The following MEGF11 variants were observed in gnomAD, a reference collection of about 807,000 sequenced individuals.
MEGF11 encodes multiple EGF like domains 11, also known as multiple epidermal growth factor-like domains protein 11.
MEGF11 carries 126 observed loss-of-function variants against 146.6 expected under a neutral mutation model. That is an observed-to-expected ratio of 0.86 (90% CI 0.74 to 1.00). The LOEUF is 1.00. Among genes scored for constraint, MEGF11 ranks in the 50% least tolerant of loss-of-function variants. The pLI is 0.00. For synonymous variants in MEGF11, 532 were observed against 583.4 expected (o/e 0.91, Z 1.27); for missense variants, 1,509 against 1,521.2 (o/e 0.99, Z 0.13).
chr15:66,105,395 AG>A (rs1336438568), intron 4 of MEGF11, among the ~76,000 whole-genome samples: 4 of 152,176 alleles, frequency 2.6e-5, no homozygotes, highest in Non-Finnish European at 5.9e-5. Flanking sequence ...ATCCTCTAGT[AG>A]TGCTTTATAT....
chr15:66,245,761 C>A (rs1408018296), intron 1 of MEGF11, among the ~76,000 whole-genome samples: 1 of 152,190 alleles, frequency 6.6e-6, no homozygotes, highest in Admixed American at 6.5e-5. Context: ...GACTCTACCC[C>A]TCAGTAGAAT....
At chr15:66,026,228 T>C (rs1255820771) in intron 5 of MEGF11, among the ~76,000 whole-genome samples, 1 of 152,200 alleles carries the variant, frequency 6.6e-6, no homozygotes, top group Non-Finnish European at 1.5e-5. Flanking sequence ...TGGGAGGTCT[T>C]GTTAAAATGC....
intron 10 of MEGF11, among the ~76,000 whole-genome samples, chr15:65,948,501 G>A (rs1247035696): frequency 1.3e-5 from 2 of 152,208 alleles, no homozygotes; most frequent in Admixed American, 6.5e-5. Flanking sequence ...CTAAGAGGCT[G>A]TGTTTCCTAA....
At chr15:65,940,261 C>T (rs1421181933) in intron 10 of MEGF11, among the ~76,000 whole-genome samples, 4 of 152,212 alleles carry the variant, frequency 2.6e-5, no homozygotes, top group African/African-American at 4.8e-5. Context: ...TGTCCAATGC[C>T]GCATCCATGC....
chr15:66,177,620 A>G (rs989481347), intron 1 of MEGF11, among the ~76,000 whole-genome samples: 1 of 151,700 alleles, frequency 6.6e-6, no homozygotes, highest in African/African-American at 2.4e-5. Flanking sequence ...CGTGAGCTCC[A>G]AAAAGCAACT....
chr15:66,014,798 T>G lies in MEGF11; in HGVS notation c.395-32310A>C, dbSNP rs117926164. On this transcript the variant is annotated intron_variant, in intron 5 of 25. Transcript: ENST00000395614. ...TTACCAGCACTGCACCTGTAGCAAC[T>G]TGTAGCCAGTGACAAGGGATGAATT... Among the ~76,000 whole-genome samples, 621 of 152,252 alleles carry G rather than the reference T, an allele frequency of 4.1e-3. 3 individuals carry two copies. The highest frequency in any genetic ancestry group is 8.6e-3 in the Admixed American group (132 of 15,280).
intron 1 of MEGF11, among the ~76,000 whole-genome samples, chr15:66,224,648 TATATTTATATATAAAG>T (rs1259690241): frequency 1.5e-3 from 212 of 145,288 alleles, no homozygotes; most frequent in African/African-American, 5.1e-3. Context: ...TATTATATTA[TATATTTATATATAAAG>T]TATATATTTA....
chr15:66,042,784 C>T (rs529642182), intron 5 of MEGF11, among the ~76,000 whole-genome samples: 1 of 152,298 alleles, frequency 6.6e-6, no homozygotes, highest in African/African-American at 2.4e-5. Context: ...ATGGGATCCC[C>T]CATTTGCATG....
intron 20 of MEGF11, among the ~76,000 whole-genome samples, chr15:65,913,144 C>T (rs1169478875): frequency 6.6e-6 from 1 of 152,296 alleles, no homozygotes; most frequent in East Asian, 1.9e-4. Context: ...CACTCAGACT[C>T]CCAAATAAAA....
chr15:66,054,126 T>C lies in MEGF11; in HGVS notation c.394+40276A>G, dbSNP rs186765262. Among the ~76,000 whole-genome samples the C allele has an allele frequency of 2.0e-3, 301 of 152,258 alleles. 3 individuals carry two copies. Among genetic ancestry groups the C allele is most frequent in the South Asian group, 8.3e-4 (4 of 4,830 alleles). On this transcript the variant is annotated intron_variant, in intron 5 of 25. Transcript: ENST00000395614. The stretch of plus-strand genomic sequence containing the variant: ...CTCTTGGGTCCCCAGTTCCCAGCTC[T>C]GCTCAGTTCCCTGAAGCCTTCCTGG...
At chr15:65,960,085 C>T (rs182078160) in intron 9 of MEGF11, among the ~76,000 whole-genome samples, 89 of 151,298 alleles carry the variant, frequency 5.9e-4, no homozygotes, top group Middle Eastern at 3.4e-3. Context: ...TCAATCAATG[C>T]TGCATCTGTT....
rs757622345 is a variant in MEGF11, at chr15:65,965,099, G to T, written c.921C>A (p.Phe307Leu). 1.3e-6 allele frequency: 2 copies of T among 1,594,370 alleles called. No individual in the cohort carries two copies. The highest frequency in any genetic ancestry group is 4.5e-5 in the East Asian group (2 of 44,148). ...GTGAGCACTGGAAGCCGAAGGACCC[G>T]AAGGGGCACTCCTCTTGGCACCTGT... ...MGDRCQEECP[F>L]GSFGFQCSQH... is the part of the protein sequence containing the mutation. Residue 307 changes from phenylalanine to leucine, a missense_variant, in exon 9 of 26, where the codon TTC (phenylalanine) becomes TTA (leucine). Transcript: ENST00000395614.
chr15:66,186,131 C>A (rs2090692960), intron 1 of MEGF11, among the ~76,000 whole-genome samples: 1 of 152,124 alleles, frequency 6.6e-6, no homozygotes, highest in South Asian at 2.1e-4. Flanking sequence ...CCCAGGTTGA[C>A]CACTCCCCAT....
chr15:66,118,953 G>T, intron 4 of MEGF11, 133 bp downstream of exon 4: 1 of 627,040 alleles, frequency 1.6e-6, no homozygotes, highest in South Asian at 1.9e-5. Flanking sequence ...AGCAGGCAGG[G>T]ACTTCTGGAG....
intron 25 of MEGF11, 65 bp from the exon 26 acceptor site, chr15:65,898,159 A>G (rs2078398010): frequency 6.5e-7 from 1 of 1,531,884 alleles, no homozygotes; most frequent in South Asian, 1.2e-5. Context: ...GTTGGAGAGG[A>G]AGAGAGTTCT....
chr15:65,945,023 C>T (rs192570194), intron 10 of MEGF11, among the ~76,000 whole-genome samples: 6 of 152,080 alleles, frequency 3.9e-5, no homozygotes, highest in East Asian at 1.9e-4. Flanking sequence ...CTCAGCCTCC[C>T]GAGTAGCTGG....
At chr15:66,078,675 CT>C (rs1332604932) in intron 5 of MEGF11, among the ~76,000 whole-genome samples, 1 of 152,180 alleles carries the variant, frequency 6.6e-6, no homozygotes, top group Non-Finnish European at 1.5e-5. Flanking sequence ...CAGGCTGCCC[CT>C]GGAAGTGCAG....
At chr15:66,218,734 T>C (rs1424125045) in intron 1 of MEGF11, among the ~76,000 whole-genome samples, 5 of 152,238 alleles carry the variant, frequency 3.3e-5, no homozygotes, top group Non-Finnish European at 7.4e-5. Flanking sequence ...CTAAGTAGCC[T>C]CAGTTTTCTC....
chr15:65,988,673 ATAAT>A (rs1420743512), intron 5 of MEGF11, among the ~76,000 whole-genome samples: 2 of 152,252 alleles, frequency 1.3e-5, no homozygotes, highest in African/African-American at 4.8e-5. Flanking sequence ...GGAATAATAA[ATAAT>A]GCGGCCGACC....
Sources: allele counts gnomAD v4.1 joint callset (sites outside exome capture counted in the v4.1 genomes callset), GRCh38; gene constraint gnomAD v4.1.1; transcripts MANE v1.5; gene names NCBI Gene and HGNC (gene_info 2026-07-23, HGNC 2026-07-21).